Variants in RBMS1 observed in about 807,000 individuals in gnomAD.
The protein encoded by RBMS1 is RNA-binding motif, single-stranded-interacting protein 1.
A neutral mutation model predicts 62.3 loss-of-function variants in RBMS1; 17 were observed. The observed-to-expected ratio is 0.27, with a 90% CI of 0.19 to 0.41. The LOEUF is 0.41. Among genes scored for constraint, RBMS1 ranks in the 10% least tolerant of loss-of-function variants. The probability of loss-of-function intolerance (pLI) is 1.00; values close to 1 mark genes in which losing one functional copy is unlikely to be tolerated. For synonymous variants in RBMS1, 172 were observed against 170.0 expected (o/e 1.01, Z -0.09); for missense variants, 334 against 504.5 (o/e 0.66, Z 3.24).
intron 2 of RBMS1, among the ~76,000 whole-genome samples, chr2:160,328,092 T>C (rs1190746313): frequency 2.0e-5 from 3 of 152,288 alleles, no homozygotes; most frequent in South Asian, 2.1e-4. Flanking sequence ...AGTGCTGATA[T>C]GGCCAATGGG....
intron 1 of RBMS1, among the ~76,000 whole-genome samples, chr2:160,387,906 C>T (rs1694669742): frequency 6.6e-6 from 1 of 152,132 alleles, no homozygotes; most frequent in African/African-American, 2.4e-5. Flanking sequence ...AGGTTTATGC[C>T]TGGCCCTGGC....
At chr2:160,366,131 C>T (rs1383412221) in intron 2 of RBMS1, among the ~76,000 whole-genome samples, 4 of 152,192 alleles carry the variant, frequency 2.6e-5, no homozygotes. Context: ...CCTGCTGTCC[C>T]ACCCCTCCCC....
intron 1 of RBMS1, among the ~76,000 whole-genome samples, chr2:160,489,029 T>C (rs1685717347): frequency 6.6e-6 from 1 of 152,238 alleles, no homozygotes; most frequent in African/African-American, 2.4e-5. Flanking sequence ...TATGTAGTTA[T>C]ACTGATACTA....
intron 1 of RBMS1, chr2:160,493,026 C>T: frequency 2.4e-6 from 1 of 411,380 alleles, no homozygotes; most frequent in Admixed American, 4.5e-5. Flanking sequence ...CTGGCCGGGC[C>T]AGGAAGGGGC....
chr2:160,301,213 T>C (rs561760233), intron 5 of RBMS1, among the ~76,000 whole-genome samples: 70 of 152,330 alleles, frequency 4.6e-4, no homozygotes, highest in African/African-American at 1.6e-3. Context: ...GTGCGCCTTA[T>C]ATGCTTCTTA....
At chr2:160,330,260 T>C (rs893577978) in intron 2 of RBMS1, among the ~76,000 whole-genome samples, 1 of 152,130 alleles carries the variant, frequency 6.6e-6, no homozygotes, top group Admixed American at 6.6e-5. Flanking sequence ...GAACGAGTGA[T>C]TGAGTTGTCA....
Position 160,272,786 on chromosome 2 carries a change from A to T in RBMS1, c.*1986T>A, listed in dbSNP as rs1487639241. ...ACAAAAACAAAAACACATTTCTCTT[A>T]TGACTATGTAATTTTCACTAGAATC... On this transcript the variant is annotated 3_prime_UTR_variant, in exon 14 of 14. Transcript: ENST00000348849. The T allele has an allele frequency of 6.6e-6, 1 of 151,860 alleles. No individual in the cohort carries two copies. The highest frequency in any genetic ancestry group is 1.5e-5 in the Non-Finnish European group (1 of 67,934). The allele number at this position is 151,860 out of a possible 1,614,324, so 9.4% of individuals were successfully genotyped here.
At chr2:160,472,504 A>C (rs575175076) in intron 1 of RBMS1, among the ~76,000 whole-genome samples, 2 of 152,180 alleles carry the variant, frequency 1.3e-5, no homozygotes, top group African/African-American at 4.8e-5. Flanking sequence ...TGTGAACTTA[A>C]AAGTTAGCTT....
chr2:160,492,674 C>T (rs556522453), intron 1 of RBMS1, among the ~76,000 whole-genome samples: 8 of 152,308 alleles, frequency 5.3e-5, no homozygotes, highest in African/African-American at 1.7e-4. Context: ...AAAACACCAG[C>T]GTAAAAGTAG....
intron 2 of RBMS1, among the ~76,000 whole-genome samples, chr2:160,332,040 T>C (rs1386495845): frequency 6.6e-6 from 1 of 152,214 alleles, no homozygotes; most frequent in East Asian, 1.9e-4. Context: ...GAAAGAGTGA[T>C]AAAAGATGGT....
At chr2:160,357,927 T>A (rs1202071946) in intron 2 of RBMS1, among the ~76,000 whole-genome samples, 1 of 152,176 alleles carries the variant, frequency 6.6e-6, no homozygotes, top group Non-Finnish European at 1.5e-5. Flanking sequence ...GCTAAAATTA[T>A]TTCTGTGAAA....
chr2:160,300,415 G>A (rs987016680), intron 6 of RBMS1, among the ~76,000 whole-genome samples: 4 of 152,148 alleles, frequency 2.6e-5, no homozygotes. Context: ...CAAAAGAGGA[G>A]TGAATTGCAC....
chr2:160,291,579 CTT>C (rs1395816572), intron 6 of RBMS1, among the ~76,000 whole-genome samples: 2 of 152,198 alleles, frequency 1.3e-5, no homozygotes, highest in Admixed American at 1.3e-4. Flanking sequence ...AGAGCTACAG[CTT>C]TTCTCTGTGG....
intron 2 of RBMS1, among the ~76,000 whole-genome samples, chr2:160,322,584 C>T (rs1337659556): frequency 6.6e-6 from 1 of 152,194 alleles, no homozygotes; most frequent in East Asian, 1.9e-4. Flanking sequence ...TCCACTCTGT[C>T]TGTGGGGCAG....
At chr2:160,332,516 T>G (rs1691337989) in intron 2 of RBMS1, among the ~76,000 whole-genome samples, 1 of 152,202 alleles carries the variant, frequency 6.6e-6, no homozygotes, top group African/African-American at 2.4e-5. Flanking sequence ...GTGAGCATGT[T>G]ATCAGCAATG....
chr2:160,346,009 G>A (rs1239444865), intron 2 of RBMS1, among the ~76,000 whole-genome samples: 6 of 152,044 alleles, frequency 3.9e-5, no homozygotes, highest in Admixed American at 3.9e-4. Flanking sequence ...GGCATAGTAG[G>A]CACTCTCAAT....
chr2:160,377,272 A>G (rs1322684527), intron 1 of RBMS1, among the ~76,000 whole-genome samples: 1 of 152,226 alleles, frequency 6.6e-6, no homozygotes, highest in Admixed American at 6.5e-5. Context: ...ATATTTCGTT[A>G]AAAGAAATAA....
At chr2:160,396,906 G>T (rs376454917) in intron 1 of RBMS1, among the ~76,000 whole-genome samples, 3 of 152,166 alleles carry the variant, frequency 2.0e-5, no homozygotes, top group African/African-American at 7.2e-5. Flanking sequence ...CTCTCTGACC[G>T]AGGTCCGGGG....
At chr2:160,339,905 T>C (rs1487950639) in intron 2 of RBMS1, among the ~76,000 whole-genome samples, 1 of 152,194 alleles carries the variant, frequency 6.6e-6, no homozygotes, top group African/African-American at 2.4e-5. Context: ...CTCTATGTCC[T>C]CATCCTTTAG....
Sources: gnomAD v4.1 joint callset for allele counts (sites outside exome capture counted in the v4.1 genomes callset) on GRCh38, gnomAD v4.1.1 for gene constraint, MANE v1.5 for transcripts, NCBI Gene and HGNC (gene_info 2026-07-23, HGNC 2026-07-21) for gene names.